Variants in TIAM2 observed in about 807,000 individuals in gnomAD.
TIAM2 encodes the protein TIAM Rac1 associated GEF 2, also known as rho guanine nucleotide exchange factor TIAM2.
In TIAM2, 80 loss-of-function variants were observed where a neutral mutation model predicts 152.9. The ratio of observed to expected loss-of-function variants is 0.52; its 90% CI spans 0.44 to 0.63. The LOEUF (loss-of-function observed/expected upper bound fraction) is 0.63. Among genes scored for constraint, TIAM2 ranks in the 30% least tolerant of loss-of-function variants. The pLI, the probability that TIAM2 is intolerant of heterozygous loss-of-function variation, is 0.00. For missense variants in TIAM2, 1,965 were observed against 2,120.1 expected (o/e 0.93, Z 1.44); for synonymous variants, 804 against 838.0 (o/e 0.96, Z 0.70).
chr6:155,057,245 C>T (rs1273327495), intron 1 of TIAM2, among the ~76,000 whole-genome samples: 1 of 151,538 alleles, frequency 6.6e-6, no homozygotes, highest in Non-Finnish European at 1.5e-5. Flanking sequence ...CACCATGTTG[C>T]CCAGGCTGGT....
intron 1 of TIAM2, among the ~76,000 whole-genome samples, chr6:155,049,233 A>G (rs1254188561): frequency 6.6e-6 from 1 of 151,758 alleles, no homozygotes; most frequent in Non-Finnish European, 1.5e-5. Flanking sequence ...ACCTCCAGGA[A>G]CTCTTGCCAT....
intron 1 of TIAM2, among the ~76,000 whole-genome samples, chr6:155,006,669 C>T (rs1221534990): frequency 2.7e-5 from 4 of 147,842 alleles, no homozygotes; most frequent in Admixed American, 6.8e-5. Flanking sequence ...CTGTCTCCCC[C>T]ACCTCCCCCC....
intron 16 of TIAM2, 88 bp from the exon 17 acceptor site, chr6:155,243,923 G>A: frequency 1.1e-6 from 1 of 931,194 alleles, no homozygotes; most frequent in Non-Finnish European, 1.8e-6. Context: ...GGGAGCCTTG[G>A]GAGCTGCTGC....
In TIAM2 at chr6:155,214,423, C is replaced by T. The variant is rs4870365; in HGVS notation, c.3168+3116C>T. On this transcript the variant is annotated intron_variant, in intron 15 of 26. Coordinates refer to ENST00000682666, the MANE Select transcript of TIAM2 (RefSeq NM_012454.4). The surrounding 1 kb of genome is among the most constrained non-coding windows in gnomAD (Gnocchi z 5.4). Reference sequence around the variant, plus strand: ...GCTTCAGAACGGATGCTTCTGGTTCCGAAGCAGCTGGTTTGATGAAGCAGC... The same window carrying T: ...GCTTCAGAACGGATGCTTCTGGTTCTGAAGCAGCTGGTTTGATGAAGCAGC... Among the ~76,000 whole-genome samples, 24,205 of 152,138 alleles carry T rather than the reference C, an allele frequency of 0.16. 2,117 individuals carry two copies. Among genetic ancestry groups the T allele is most frequent in the East Asian group, 0.35 (1,819 of 5,156 alleles).
intron 2 of TIAM2, among the ~76,000 whole-genome samples, chr6:155,113,455 T>A (rs1778910367): frequency 6.6e-6 from 1 of 152,178 alleles, no homozygotes; most frequent in Non-Finnish European, 1.5e-5. Flanking sequence ...GCGTGGTGGC[T>A]CATGCCTATA....
At chr6:155,252,465 T>C (rs1230150621) in intron 23 of TIAM2, among the ~76,000 whole-genome samples, 1 of 152,144 alleles carries the variant, frequency 6.6e-6, no homozygotes, top group Non-Finnish European at 1.5e-5. Flanking sequence ...TGAGACCCTG[T>C]CAATAAATAC....
intron 15 of TIAM2, among the ~76,000 whole-genome samples, chr6:155,231,417 C>T (rs1782468364): frequency 6.6e-6 from 1 of 152,192 alleles, no homozygotes; most frequent in Non-Finnish European, 1.5e-5. Flanking sequence ...AAATTTCATA[C>T]AATTTCCCTG....
At chr6:155,035,291 T>C (rs9383738) in intron 1 of TIAM2, among the ~76,000 whole-genome samples, 96,879 of 150,842 alleles carry the variant, frequency 0.64, 31,360 homozygotes, top group East Asian at 0.75. Context: ...GGCGTGATCT[T>C]GGCTCACTGC....
intron 1 of TIAM2, among the ~76,000 whole-genome samples, chr6:155,032,057 G>A (rs1028523713): frequency 1.3e-5 from 2 of 152,088 alleles, no homozygotes; most frequent in African/African-American, 2.4e-5. Flanking sequence ...AAAGTATAGC[G>A]TGTACTTTAT....
In TIAM2 at chr6:155,129,058, G is replaced by T; in HGVS notation, c.-6-160G>T. 1.6e-6 allele frequency: 1 copy of T among 636,678 alleles called. No individual in the cohort carries two copies. The highest frequency in any genetic ancestry group is 2.7e-6 in the Non-Finnish European group (1 of 371,994). 39.4% of individuals were successfully genotyped at this position (636,678 alleles called of 1,614,324 possible). ...CTAATGAGCAGCCTTGCAAAATAAG[G>T]AGAGCCTGTTCTACTGACTGACTCT... On this transcript the variant is annotated intron_variant, in intron 3 of 26. Coordinates refer to ENST00000682666, the MANE Select transcript of TIAM2 (RefSeq NM_012454.4). This position sits in a 1 kb window ranked among gnomAD's most constrained non-coding sequence, Gnocchi z 4.8.
intron 14 of TIAM2, among the ~76,000 whole-genome samples, chr6:155,204,501 T>C (rs1781550400): frequency 6.6e-6 from 1 of 152,210 alleles, no homozygotes; most frequent in Non-Finnish European, 1.5e-5. Context: ...TAAATTACTT[T>C]CCGTTTATTT....
chr6:155,257,210 A>C lies in TIAM2; in HGVS notation c.*89A>C. On this transcript the variant is annotated 3_prime_UTR_variant, in exon 27 of 27. Coordinates refer to ENST00000682666, the MANE Select transcript of TIAM2 (RefSeq NM_012454.4). ...AATTGCAAAAAAAAAAAAAAAAAAA[A>C]ACTGTTCATTCCTGGGTTTTGTGCA... 4.2e-6 allele frequency: 5 copies of C among 1,177,030 alleles called. No homozygotes were observed. The highest frequency in any genetic ancestry group is 1.5e-5 in the South Asian group (1 of 67,630). The allele number at this position is 1,177,030 out of a possible 1,614,324, so 72.9% of individuals were successfully genotyped here. A position where few individuals can be genotyped will look rare whatever the true frequency, so the allele number is the denominator to read the frequency against.
rs569157434 is a variant in TIAM2 at position 155,029,584 on chromosome 6, CTATA to C, written c.-209+34095_-209+34098del. Among the ~76,000 whole-genome samples the C allele has an allele frequency of 5.7e-3, 407 of 71,970 alleles. 27 individuals are homozygous for C. The highest frequency in any genetic ancestry group is 0.017 in the African/African-American group (286 of 16,798). The allele number at this position is 71,970 out of a possible 152,430, so 47.2% of individuals were successfully genotyped here. A position where few individuals can be genotyped will look rare whatever the true frequency, so the allele number is the denominator to read the frequency against. ...ATATACTATATAATAGTATATATAACTATATAGTATATATAGTTATATAACTCTG... is the reference window on the plus strand; with the variant it reads ...ATATACTATATAATAGTATATATAACTAGTATATATAGTTATATAACTCTG... On this transcript the variant is annotated intron_variant, in intron 1 of 26. Coordinates refer to ENST00000682666, the MANE Select transcript of TIAM2 (RefSeq NM_012454.4).
At chr6:155,157,105 C>T (rs965011883) in intron 7 of TIAM2, among the ~76,000 whole-genome samples, 27 of 152,168 alleles carry the variant, frequency 1.8e-4, no homozygotes, top group African/African-American at 6.0e-4. Flanking sequence ...ATCTCTGAAC[C>T]CTCGATGCCT....
At chr6:155,179,481 AG>A in intron 12 of TIAM2, 25 bp downstream of exon 12, 1 of 1,582,804 alleles carries the variant, frequency 6.3e-7, no homozygotes, top group South Asian at 1.2e-5. Context: ...TGCCCCTTTC[AG>A]GGAATTGTGT....
chr6:155,085,431 T>A (rs935145228), intron 1 of TIAM2, among the ~76,000 whole-genome samples: 1 of 152,190 alleles, frequency 6.6e-6, no homozygotes, highest in African/African-American at 2.4e-5. Flanking sequence ...TTGTGCTGCG[T>A]ACTGTGGGCT....
intron 1 of TIAM2, among the ~76,000 whole-genome samples, chr6:155,068,542 T>C (rs1298386089): frequency 6.6e-6 from 1 of 151,914 alleles, no homozygotes; most frequent in East Asian, 1.9e-4. Flanking sequence ...AACCTCTGCC[T>C]CCTGGGTTCA....
chr6:155,004,476 C>T (rs1255395711), intron 1 of TIAM2, among the ~76,000 whole-genome samples: 1 of 152,120 alleles, frequency 6.6e-6, no homozygotes, highest in Non-Finnish European at 1.5e-5. Flanking sequence ...CTGCAACCCC[C>T]ACCTCCTGGG....
intron 16 of TIAM2, 69 bp downstream of exon 16, chr6:155,240,778 T>C (rs992826042): frequency 1.1e-5 from 17 of 1,505,668 alleles, no homozygotes; most frequent in Middle Eastern, 2.0e-4. Context: ...CTGGCAGAGG[T>C]CCCCAGATCA....
Sources: allele counts gnomAD v4.1 joint callset (sites outside exome capture counted in the v4.1 genomes callset), GRCh38; gene constraint gnomAD v4.1.1; non-coding constraint Gnocchi (gnomAD v3.1); transcripts MANE v1.5; gene names NCBI Gene and HGNC (gene_info 2026-07-23, HGNC 2026-07-21).